Variants in TTC7B observed in about 807,000 individuals in gnomAD.
TTC7B encodes tetratricopeptide repeat domain 7B.
TTC7B carries 28 observed loss-of-function variants against 106.8 expected under a neutral mutation model. That is an observed-to-expected ratio of 0.26 (90% CI 0.19 to 0.36). The LOEUF (loss-of-function observed/expected upper bound fraction) is 0.36. Ranked by LOEUF, TTC7B falls within the 10% of genes least tolerant of loss-of-function variation. TTC7B has a pLI of 1.00. For synonymous variants in TTC7B, 405 were observed against 430.6 expected, an observed-to-expected ratio of 0.94 and a Z score of 0.74; for missense variants, 862 against 1,076.4, an observed-to-expected ratio of 0.80 and a Z score of 2.79.
intron 5 of TTC7B, among the ~76,000 whole-genome samples, chr14:90,702,149 C>T (rs1888017568): frequency 6.6e-6 from 1 of 152,288 alleles, no homozygotes; most frequent in South Asian, 2.1e-4. Flanking sequence ...CCAAGCTTTG[C>T]CATTTATTAA....
chr14:90,699,665 G>A (rs1887907588), intron 5 of TTC7B, among the ~76,000 whole-genome samples: 2 of 152,214 alleles, frequency 1.3e-5, no homozygotes, highest in Admixed American at 6.5e-5. Flanking sequence ...AACACAATAA[G>A]TCAACCCAGT....
At position 90,790,485 on chromosome 14, in the gene TTC7B, C is replaced by T. The variant is rs150150230; in HGVS notation, c.122-4157G>A. 1.4e-3 allele frequency among the ~76,000 whole-genome samples: 209 copies of T among 152,216 alleles called. 1 individual carries two copies. Among genetic ancestry groups the T allele is most frequent in the African/African-American group, 4.6e-3 (191 of 41,556 alleles). On this transcript the variant is annotated intron_variant, in intron 1 of 19. Coordinates refer to ENST00000328459, the MANE Select transcript of TTC7B (RefSeq NM_001010854.2). ...TAGATTTAAACCCAAATTTGTCACT[C>T]GGTGACTTTGGCCCAATGATTTAAC...
intron 1 of TTC7B, among the ~76,000 whole-genome samples, chr14:90,799,945 T>C (rs1455251496): frequency 6.6e-6 from 1 of 152,092 alleles, no homozygotes; most frequent in East Asian, 1.9e-4. Context: ...TTCTCCTGCC[T>C]CAGCCTCCCG....
intron 15 of TTC7B, among the ~76,000 whole-genome samples, chr14:90,620,763 G>C (rs577651188): frequency 6.6e-6 from 1 of 152,362 alleles, no homozygotes; most frequent in Non-Finnish European, 1.5e-5. Flanking sequence ...GAATGCCAGA[G>C]TGCGTCTCTA....
At chr14:90,594,966 G>A (rs573152578) in intron 17 of TTC7B, among the ~76,000 whole-genome samples, 5 of 152,346 alleles carry the variant, frequency 3.3e-5, no homozygotes, top group Admixed American at 1.3e-4. Flanking sequence ...CCACAAGGAC[G>A]ACCAAGAGGA....
chr14:90,584,892 C>T (rs1292892537), intron 18 of TTC7B, among the ~76,000 whole-genome samples: 1 of 152,050 alleles, frequency 6.6e-6, no homozygotes, highest in Non-Finnish European at 1.5e-5. Flanking sequence ...TAAAAATCAG[C>T]ACAAGGGCCA....
At chr14:90,622,507 T>C (rs1884251834) in intron 15 of TTC7B, among the ~76,000 whole-genome samples, 1 of 151,368 alleles carries the variant, frequency 6.6e-6, no homozygotes, top group Admixed American at 6.6e-5. Context: ...GGTGGGTAGA[T>C]CGCTTGAGCT....
intron 17 of TTC7B, among the ~76,000 whole-genome samples, chr14:90,596,847 G>C (rs769077033): frequency 1.1e-4 from 17 of 152,188 alleles, no homozygotes; most frequent in Non-Finnish European, 1.8e-4. Flanking sequence ...GAATGAACGA[G>C]TGCTGTCAAT....
At position 90,569,328 on chromosome 14, in the gene TTC7B, G is replaced by A. The variant is rs142059015; in HGVS notation, c.2310+8778C>T. Reference sequence around the variant, plus strand: ...AGATCCTGCCTTGTACCGACACTGTGATCACAATCTACAGAGGGAACCGCC... The same window carrying A: ...AGATCCTGCCTTGTACCGACACTGTAATCACAATCTACAGAGGGAACCGCC... On this transcript the variant is annotated intron_variant, in intron 19 of 19. Transcript: ENST00000328459. Among the ~76,000 whole-genome samples, 1,148 of 152,298 alleles carry A rather than the reference G, an allele frequency of 7.5e-3. 12 individuals carry two copies. The highest frequency in any genetic ancestry group is 0.026 in the African/African-American group (1,094 of 41,564).
chr14:90,601,259 T>G (rs1188092968), intron 17 of TTC7B, among the ~76,000 whole-genome samples: 1 of 152,188 alleles, frequency 6.6e-6, no homozygotes, highest in East Asian at 1.9e-4. Flanking sequence ...TACCTAGATT[T>G]CTTTTAAAGC....
rs531629976 is a variant in TTC7B, at chr14:90,801,501, C to T, written c.121+14674G>A. Among the ~76,000 whole-genome samples the T allele has an allele frequency of 3.7e-4, 56 of 152,212 alleles. 1 individual carries two copies. The South Asian group carries it at 0.011, about 30-fold the overall frequency. On this transcript the variant is annotated intron_variant, in intron 1 of 19. Coordinates refer to ENST00000328459, the MANE Select transcript of TTC7B (RefSeq NM_001010854.2). ...AGGAAAGGAGAGGGTTGAAGATAAA[C>T]CCTCGATTTGAGATAGCACAATGGA... is the stretch of plus-strand genomic sequence containing the variant.
At chr14:90,736,044 A>C (rs1889509200) in intron 4 of TTC7B, among the ~76,000 whole-genome samples, 1 of 152,158 alleles carries the variant, frequency 6.6e-6, no homozygotes, top group Non-Finnish European at 1.5e-5. Context: ...ATTTTATTGA[A>C]TGACTAAAAA....
chr14:90,762,046 G>A (rs1050911811), intron 3 of TTC7B, among the ~76,000 whole-genome samples: 1 of 152,178 alleles, frequency 6.6e-6, no homozygotes, highest in East Asian at 1.9e-4. Flanking sequence ...TTGTACCCCA[G>A]AATTCTGAAA....
At chr14:90,598,001 C>G (rs560794135) in intron 17 of TTC7B, among the ~76,000 whole-genome samples, 1 of 152,348 alleles carries the variant, frequency 6.6e-6, no homozygotes, top group East Asian at 1.9e-4. Context: ...TCAGGTTCAA[C>G]AGGTAAGCCA....
intron 4 of TTC7B, among the ~76,000 whole-genome samples, chr14:90,740,372 C>T (rs1302950070): frequency 6.6e-6 from 1 of 151,886 alleles, no homozygotes; most frequent in East Asian, 1.9e-4. Context: ...CAGGAGTGAA[C>T]AGAGAAGTCC....
At chr14:90,754,704 A>G (rs936036695) in intron 3 of TTC7B, among the ~76,000 whole-genome samples, 4 of 152,118 alleles carry the variant, frequency 2.6e-5, no homozygotes, top group African/African-American at 9.7e-5. Context: ...CCCCTTGAAA[A>G]GCCCCATCTC....
intron 17 of TTC7B, among the ~76,000 whole-genome samples, chr14:90,607,340 C>T (rs962105570): frequency 3.3e-5 from 5 of 152,188 alleles, no homozygotes; most frequent in Non-Finnish European, 7.3e-5. Flanking sequence ...TGGCTGTGCA[C>T]CCTCACGGAT....
chr14:90,603,348 A>G (rs1892510091), intron 17 of TTC7B: 5 of 1,249,502 alleles, frequency 4.0e-6, no homozygotes, highest in African/African-American at 1.5e-5. Flanking sequence ...AAGAAACAAA[A>G]CATTTGAAAA....
chr14:90,717,345 A>AC (rs1291924981), intron 5 of TTC7B, among the ~76,000 whole-genome samples: 1 of 152,214 alleles, frequency 6.6e-6, no homozygotes, highest in African/African-American at 2.4e-5. Context: ...TCTCAAAAAA[A>AC]AAAAAAAAGA....
Sources: allele counts gnomAD v4.1 joint callset (sites outside exome capture counted in the v4.1 genomes callset), GRCh38; gene constraint gnomAD v4.1.1; transcripts MANE v1.5; gene names NCBI Gene and HGNC (gene_info 2026-07-23, HGNC 2026-07-21).